The following FAM13A variants were observed in gnomAD, a reference collection of about 807,000 sequenced individuals.
FAM13A encodes the protein family with sequence similarity 13 member A, also known as protein FAM13A.
FAM13A carries 76 observed loss-of-function variants against 129.6 expected under a neutral mutation model. The observed-to-expected ratio is 0.59, with a 90% CI of 0.49 to 0.71. The LOEUF is 0.71. FAM13A is among the 30% of genes least tolerant of loss of function. The pLI is 0.00. For missense variants in FAM13A, 1,108 were observed against 1,249.3 expected (o/e 0.89, Z 1.70); for synonymous variants, 443 against 449.9 (o/e 0.98, Z 0.20).
At chr4:89,053,271 T>G (rs1771828157) in intron 1 of FAM13A, among the ~76,000 whole-genome samples, 1 of 152,134 alleles carries the variant, frequency 6.6e-6, no homozygotes, top group Non-Finnish European at 1.5e-5. Flanking sequence ...CATCTTTCCA[T>G]GAACTGATAA....
intron 4 of FAM13A, among the ~76,000 whole-genome samples, chr4:88,949,964 C>A (rs938231773): frequency 2.6e-5 from 4 of 152,120 alleles, no homozygotes; most frequent in African/African-American, 9.7e-5. Flanking sequence ...ACATAGTAAT[C>A]AATATTTTGG....
At chr4:89,017,792 TA>T (rs1766697443) in intron 3 of FAM13A, among the ~76,000 whole-genome samples, 2 of 152,168 alleles carry the variant, frequency 1.3e-5, no homozygotes, top group African/African-American at 4.8e-5. Flanking sequence ...TTGTCACCTT[TA>T]TGAAGGAATG....
At chr4:88,996,235 TG>T in intron 3 of FAM13A, among the ~76,000 whole-genome samples, 1 of 152,208 alleles carries the variant, frequency 6.6e-6, no homozygotes, top group East Asian at 1.9e-4. Context: ...TGTTTTGTTT[TG>T]TTTACTGTGT....
At chr4:89,009,832 T>C (rs1400786626) in intron 3 of FAM13A, among the ~76,000 whole-genome samples, 1 of 152,198 alleles carries the variant, frequency 6.6e-6, no homozygotes, top group Non-Finnish European at 1.5e-5. Flanking sequence ...AGCGGTCTGT[T>C]GGTCTTGCAA....
chr4:88,779,975 A>G (rs1722544082), intron 11 of FAM13A, among the ~76,000 whole-genome samples: 1 of 152,212 alleles, frequency 6.6e-6, no homozygotes, highest in Non-Finnish European at 1.5e-5. Context: ...TTAGAGAGCT[A>G]ATGAAGTTAA....
At chr4:88,987,853 A>AAAAAAAAAAAAAC (rs1382992709) in intron 4 of FAM13A, among the ~76,000 whole-genome samples, 1 of 151,112 alleles carries the variant, frequency 6.6e-6, no homozygotes, top group African/African-American at 2.4e-5. Flanking sequence ...AAAAAAAAAA[A>AAAAAAAAAAAAAC]AACTTAATCT....
intron 1 of FAM13A, among the ~76,000 whole-genome samples, chr4:89,054,298 G>GACAC (rs57198448): frequency 0.15 from 22,296 of 149,804 alleles, 2,164 homozygotes; most frequent in African/African-American, 0.28. Flanking sequence ...GATACACACA[G>GACAC]ACACACACAC....
rs1739511037 is a variant in FAM13A, at chr4:88,861,626, T to G, written c.844-10443A>C. Among the ~76,000 whole-genome samples, 7 of 152,176 alleles carry G rather than the reference T, an allele frequency of 4.6e-5. No individual in the cohort carries two copies. The South Asian group carries it at 1.4e-3, about 31-fold the overall frequency. On this transcript the variant is annotated intron_variant, in intron 6 of 23. Transcript: ENST00000264344. ...AAGCATTTACCAAATGACTATGACA[T>G]GCTGAGCCTTGGACTAGGCCCTGAC...
chr4:89,031,994 C>T (rs1241628359), intron 1 of FAM13A, among the ~76,000 whole-genome samples: 6 of 151,770 alleles, frequency 4.0e-5, no homozygotes, highest in South Asian at 2.1e-4. Context: ...CCGAGGTGGG[C>T]GGATCATGAG....
At chr4:88,806,400 T>C (rs1728569105) in intron 7 of FAM13A, among the ~76,000 whole-genome samples, 1 of 152,212 alleles carries the variant, frequency 6.6e-6, no homozygotes, top group African/African-American at 2.4e-5. Context: ...TTAAGCATCA[T>C]TCATGAAAAG....
rs767448210 is a variant in FAM13A, at chr4:88,768,003, A to G, written c.1515T>C (p.Phe505=). The G allele has an allele frequency of 6.2e-7, 1 of 1,606,024 alleles. No homozygotes were observed. Among genetic ancestry groups the G allele is most frequent in the Admixed American group, 1.7e-5 (1 of 59,982 alleles). Residue 505 remains phenylalanine (F), a synonymous_variant, in exon 12 of 24, where the codon TTT becomes TTC. Transcript: ENST00000264344. ...RSHERTGPDD[F]EWMSDERKGN... is the part of the protein sequence containing the mutation. ...ATTACCTTTCATCAGACATCCATTCAAAATCATCAGGTCCAGTTCTCTCAT... is the reference window on the plus strand; with the variant it reads ...ATTACCTTTCATCAGACATCCATTCGAAATCATCAGGTCCAGTTCTCTCAT...
chr4:88,731,829 G>A, intron 22 of FAM13A, 173 bp downstream of exon 22: 1 of 573,708 alleles, frequency 1.7e-6, no homozygotes. Flanking sequence ...AAATAACATG[G>A]GCTGAAGCAT....
At chr4:88,943,157 C>T (rs1308476371) in intron 4 of FAM13A, among the ~76,000 whole-genome samples, 3 of 152,098 alleles carry the variant, frequency 2.0e-5, no homozygotes, top group African/African-American at 7.2e-5. Flanking sequence ...TATTGATAAG[C>T]GTTTTGAACT....
intron 3 of FAM13A, among the ~76,000 whole-genome samples, chr4:89,002,176 C>CAA (rs11370599): frequency 0.054 from 6,251 of 115,356 alleles, 270 homozygotes; most frequent in South Asian, 0.23. Flanking sequence ...CACCCAACGG[C>CAA]AAAAAAAAAA....
intron 20 of FAM13A, 34 bp from the exon 21 acceptor site, chr4:88,737,589 G>C (rs369437932): frequency 1.9e-6 from 3 of 1,568,404 alleles, no homozygotes; most frequent in Non-Finnish European, 2.6e-6. Context: ...GTTACATTCC[G>C]AACCCCTTTC....
At chr4:88,832,511 TCTA>T (rs1734058758) in intron 7 of FAM13A, among the ~76,000 whole-genome samples, 1 of 151,856 alleles carries the variant, frequency 6.6e-6, no homozygotes, top group South Asian at 2.1e-4. Context: ...TAATATTGAG[TCTA>T]CGAGGAACTT....
intron 7 of FAM13A, among the ~76,000 whole-genome samples, chr4:88,848,512 G>A (rs1170832320): frequency 1.3e-5 from 2 of 152,172 alleles, no homozygotes; most frequent in African/African-American, 4.8e-5. Flanking sequence ...CCTCCTGTAA[G>A]CAGTAGTCTA....
rs1749034097 is a variant in FAM13A at position 88,911,154 on chromosome 4, C to T, written c.760-4692G>A. 2.6e-5 allele frequency among the ~76,000 whole-genome samples: 4 copies of T among 152,184 alleles called. No homozygotes were observed. In the South Asian group the frequency reaches 6.2e-4, roughly 24 times the overall value. On this transcript the variant is annotated intron_variant, in intron 5 of 23. Transcript: ENST00000264344. The stretch of plus-strand genomic sequence containing the variant: ...TCCTGCTTTTAGTCCCTTCTTAATT[C>T]CCTTCTTAAATTCCCTTTATGATCC...
chr4:88,795,289 A>G (rs1175665698), intron 8 of FAM13A, among the ~76,000 whole-genome samples: 1 of 151,814 alleles, frequency 6.6e-6, no homozygotes, highest in East Asian at 1.9e-4. Flanking sequence ...CATGTTTCCT[A>G]TTCTTTTAAA....
Sources: allele counts gnomAD v4.1 joint callset (sites outside exome capture counted in the v4.1 genomes callset), GRCh38; gene constraint gnomAD v4.1.1; transcripts MANE v1.5; gene names NCBI Gene and HGNC (gene_info 2026-07-23, HGNC 2026-07-21).